FBXL5: variants seen among roughly 807,000 people sequenced by gnomAD.
FBXL5 encodes the protein F-box/LRR-repeat protein 5.
In FBXL5, 26 loss-of-function variants were observed where a neutral mutation model predicts 78.3. The observed-to-expected ratio is 0.33, with a 90% CI of 0.24 to 0.46. The LOEUF is 0.46. Among genes scored for constraint, FBXL5 ranks in the 20% least tolerant of loss-of-function variants. The pLI is 1.00. For synonymous variants in FBXL5, 295 were observed against 282.5 expected, an observed-to-expected ratio of 1.04 and a Z score of -0.45; for missense variants, 710 against 829.2, an observed-to-expected ratio of 0.86 and a Z score of 1.77.
At chr4:15,664,550 CTT>C (rs35319145), upstream of FBXL5, among the ~76,000 whole-genome samples, 12,650 of 74,588 alleles carry the variant, frequency 0.17, 204 homozygotes, top group Non-Finnish European at 0.2. Flanking sequence ...GGCCCTCATC[CTT>C]TTTTTTTTTT....
intron 1 of FBXL5, among the ~76,000 whole-genome samples, chr4:15,680,381 G>C (rs930148455): frequency 6.6e-6 from 1 of 152,184 alleles, no homozygotes; most frequent in African/African-American, 2.4e-5. Flanking sequence ...TAAAAATCCA[G>C]TGGGAGAGGC....
At chr4:15,673,305 T>C (rs1030749785) in intron 1 of FBXL5, among the ~76,000 whole-genome samples, 3 of 151,862 alleles carry the variant, frequency 2.0e-5, no homozygotes, top group Non-Finnish European at 4.4e-5. Flanking sequence ...GCCGGGTGTG[T>C]TGACCCGTGC....
chr4:15,673,614 T>C (rs954516180), intron 1 of FBXL5, among the ~76,000 whole-genome samples: 1 of 152,216 alleles, frequency 6.6e-6, no homozygotes, highest in South Asian at 2.1e-4. Flanking sequence ...CTTTATGTGA[T>C]CCAAGACTGT....
At chr4:15,665,206 A>T in intron 1 of FBXL5, among the ~76,000 whole-genome samples, 1 of 152,156 alleles carries the variant, frequency 6.6e-6, no homozygotes, top group African/African-American at 2.4e-5. Context: ...TATTTGTGAC[A>T]TATTGTTAAA....
At position 15,612,471 on chromosome 4, in the gene FBXL5, T is replaced by G. The variant is rs1202130120; in HGVS notation, c.1851-57A>C. The G allele has an allele frequency of 2.0e-6, 3 of 1,474,240 alleles. No homozygotes were observed. The African/African-American group carries it at 4.7e-5, about 23-fold the overall frequency. The allele number at this position is 1,474,240 out of a possible 1,614,324, so 91.3% of individuals were successfully genotyped here. A position where few individuals can be genotyped will look rare whatever the true frequency, so the allele number is the denominator to read the frequency against. On this transcript the variant is annotated intron_variant, in intron 9 of 10. Coordinates refer to ENST00000341285, the MANE Select transcript of FBXL5 (RefSeq NM_012161.4). Reference sequence around the variant, plus strand: ...TACTAATCTATAAAAATGTTTGTATTCCTATGGTTCACTGAACCACTATTT... The same window carrying G: ...TACTAATCTATAAAAATGTTTGTATGCCTATGGTTCACTGAACCACTATTT...
intron 10 of FBXL5, among the ~76,000 whole-genome samples, chr4:15,610,364 T>C (rs1722166130): frequency 6.6e-6 from 1 of 152,012 alleles, no homozygotes; most frequent in Non-Finnish European, 1.5e-5. Context: ...GGCTTTCCAT[T>C]CCCCCAAATC....
chr4:15,655,639 C>G (rs1047718684), upstream of FBXL5, among the ~76,000 whole-genome samples: 1 of 152,204 alleles, frequency 6.6e-6, no homozygotes, highest in African/African-American at 2.4e-5. Context: ...TGCAGTGGCG[C>G]TCTCGGCGCT....
At chr4:15,616,172 G>A (rs4339208) in intron 9 of FBXL5, among the ~76,000 whole-genome samples, 145,919 of 152,124 alleles carry the variant, frequency 0.96, 70,262 homozygotes, top group East Asian at 1. Context: ...TGAACATCAG[G>A]AGGGACAGAC....
At position 15,625,653 on chromosome 4, in the gene FBXL5, A is replaced by G; in HGVS notation, c.1449T>C (p.Asp483=). The G allele has an allele frequency of 6.2e-7, 1 of 1,614,244 alleles. No homozygotes were observed. Among genetic ancestry groups the G allele is most frequent in the Non-Finnish European group, 8.5e-7 (1 of 1,180,050 alleles). Residue 483 remains aspartate (D), a synonymous_variant, in exon 9 of 11, where the codon GAT becomes GAC. Coordinates refer to ENST00000341285, the MANE Select transcript of FBXL5 (RefSeq NM_012161.4). ...NFTSPYVWML[D]AEDLADIEDT... is the part of the protein sequence containing the mutation. ...CTTCAATATCAGCCAAATCTTCAGC[A>G]TCTAACATCCACACATAAGGAGAAG...
At chr4:15,674,550 AATT>A (rs1258202625) in intron 1 of FBXL5, among the ~76,000 whole-genome samples, 7 of 152,094 alleles carry the variant, frequency 4.6e-5, no homozygotes, top group Admixed American at 1.3e-4. Context: ...TTCCTTACAA[AATT>A]ATTACTCATG....
chr4:15,670,999 C>T (rs1461119258), intron 1 of FBXL5, among the ~76,000 whole-genome samples: 2 of 133,754 alleles, frequency 1.5e-5, no homozygotes, highest in African/African-American at 5.6e-5. Context: ...TCTCGGCTCA[C>T]TATAACCTCC....
chr4:15,609,733 T>C (rs1722114318), intron 10 of FBXL5, among the ~76,000 whole-genome samples: 1 of 152,044 alleles, frequency 6.6e-6, no homozygotes, highest in Non-Finnish European at 1.5e-5. Context: ...CAAATAAATT[T>C]AAAAGTCATA....
At chr4:15,607,514 A>T (rs1162732404) in intron 10 of FBXL5, among the ~76,000 whole-genome samples, 1 of 152,228 alleles carries the variant, frequency 6.6e-6, no homozygotes, top group Non-Finnish European at 1.5e-5. Context: ...TATATTGAAT[A>T]CTTATTAAAA....
upstream of FBXL5, among the ~76,000 whole-genome samples, chr4:15,658,874 T>A (rs1291498340): frequency 2.6e-5 from 4 of 152,152 alleles, no homozygotes; most frequent in African/African-American, 9.7e-5. Context: ...CATCTGGGAC[T>A]CCAGAGACTT....
rs1481844308 is a variant in FBXL5, at chr4:15,627,944, C to T, written c.982G>A (p.Val328Ile). Residue 328 changes from valine to isoleucine, a missense_variant, in exon 7 of 11, where the codon GTT becomes ATT. Transcript: ENST00000341285. The stretch of plus-strand genomic sequence containing the variant: ...ACTAAGGTTTTTACAGAAGTACCAA[C>T]ATATGGTAGAACGTTATGAATTAAG... The part of the protein sequence containing the change: ...HGLIHNVLPY[V>I]GTSVKTLVLA... 1 of 1,613,812 alleles carries T rather than the reference C, an allele frequency of 6.2e-7. No homozygotes were observed. The highest frequency in any genetic ancestry group is 8.5e-7 in the Non-Finnish European group (1 of 1,179,820).
At chr4:15,660,465 G>C (rs1577505878), upstream of FBXL5, among the ~76,000 whole-genome samples, 7 of 152,280 alleles carry the variant, frequency 4.6e-5, no homozygotes, top group South Asian at 1.5e-3. Flanking sequence ...TAAATGCTGA[G>C]AGCTACCTAG....
chr4:15,623,073 T>C (rs1316246576), intron 9 of FBXL5, among the ~76,000 whole-genome samples: 3 of 152,318 alleles, frequency 2.0e-5, no homozygotes. Flanking sequence ...TCTCTGCTTT[T>C]CTTCAAATTT....
At chr4:15,636,392 G>C in intron 5 of FBXL5, 102 bp downstream of exon 5, 1 of 938,502 alleles carries the variant, frequency 1.1e-6, no homozygotes, top group Non-Finnish European at 1.4e-6. Context: ...TCTACTTTTT[G>C]ATTGACCTCT....
At chr4:15,676,557 T>C (rs1718001614) in intron 1 of FBXL5, among the ~76,000 whole-genome samples, 1 of 152,188 alleles carries the variant, frequency 6.6e-6, no homozygotes, top group South Asian at 2.1e-4. Context: ...TAAAAAACAT[T>C]TTTTGGCAAT....
Sources: allele counts gnomAD v4.1 joint callset (sites outside exome capture counted in the v4.1 genomes callset), GRCh38; gene constraint gnomAD v4.1.1; transcripts MANE v1.5; gene names NCBI Gene and HGNC (gene_info 2026-07-23, HGNC 2026-07-21).